The following ZNF420 variants were observed in gnomAD, a reference collection of about 807,000 sequenced individuals.
The protein encoded by ZNF420 is zinc finger protein 420.
A neutral mutation model predicts 44.7 loss-of-function variants in ZNF420; 31 were observed. That is an observed-to-expected ratio of 0.69 (90% CI 0.52 to 0.94). The LOEUF is 0.94. Among genes scored for constraint, ZNF420 ranks in the 40% least tolerant of loss-of-function variants. ZNF420 has a pLI of 0.00. For synonymous variants in ZNF420, 245 were observed against 267.4 expected, an observed-to-expected ratio of 0.92 and a Z score of 0.82; for missense variants, 681 against 827.9, an observed-to-expected ratio of 0.82 and a Z score of 2.18.
intron 4 of ZNF420, among the ~76,000 whole-genome samples, chr19:37,103,799 T>A (rs1969910054): frequency 6.6e-6 from 1 of 152,150 alleles, no homozygotes; most frequent in African/African-American, 2.4e-5. Flanking sequence ...TACAATAATT[T>A]TCATCAGCAT....
intron 4 of ZNF420, among the ~76,000 whole-genome samples, chr19:37,094,235 G>A (rs571049966): frequency 6.2e-4 from 94 of 151,986 alleles, no homozygotes; most frequent in Middle Eastern, 6.8e-3. Context: ...AATATACTTG[G>A]ATTTATTTAT....
chr19:37,062,964 C>T (rs142180296), intron 1 of ZNF420, among the ~76,000 whole-genome samples: 3 of 152,284 alleles, frequency 2.0e-5, no homozygotes, highest in Middle Eastern at 3.4e-3. Flanking sequence ...TTGCAGGCAC[C>T]AATATGTACA....
rs200178060 is a variant in ZNF420 at position 37,121,998 on chromosome 19, C to T, written c.137-5130C>T. Among the ~76,000 whole-genome samples, 22 of 152,322 alleles carry T rather than the reference C, an allele frequency of 1.4e-4. No homozygotes were observed. The East Asian group carries it at 4.0e-3, about 28-fold the overall frequency. ...GAGAGGATGTGGAGAAATAGGAACA[C>T]TTCTACACTGTTGGTGGGACTGTAA... is the stretch of plus-strand genomic sequence containing the variant. On this transcript the variant is annotated intron_variant, in intron 4 of 4. Coordinates refer to ENST00000337995, the MANE Select transcript of ZNF420 (RefSeq NM_144689.5).
chr19:37,025,318 T>C (rs2562598), intron 1 of ZNF420: 102,597 of 204,562 alleles, frequency 0.5, 27,968 homozygotes, highest in African/African-American at 0.71. Flanking sequence ...AGGAAAGGGG[T>C]ATTTTCTTCT....
intron 2 of ZNF420, among the ~76,000 whole-genome samples, chr19:37,085,933 TG>T (rs1353992146): frequency 3.3e-5 from 3 of 91,940 alleles, no homozygotes; most frequent in African/African-American, 1.3e-4. Context: ...GCCTGGCTGA[TG>T]TTTTATTATT....
rs35492200 is a variant in ZNF420 at position 37,038,129 on chromosome 19, C to CA, written c.-125+30060dup. 5.7e-3 allele frequency among the ~76,000 whole-genome samples: 821 copies of CA among 145,042 alleles called. 3 individuals carry two copies. The highest frequency in any genetic ancestry group is 0.011 in the Middle Eastern group (3 of 272). On this transcript the variant is annotated intron_variant, in intron 1 of 4. Coordinates refer to the ZNF420 transcript ENST00000587029. ...TGGGTGACAGAGCGAGACTCCGTCT[C>CA]AAAAAAAAAAAAAGTTGTGTTTACA...
chr19:37,124,549 GCA>G (rs1215083764), intron 4 of ZNF420, among the ~76,000 whole-genome samples: 1 of 152,136 alleles, frequency 6.6e-6, no homozygotes, highest in African/African-American at 2.4e-5. Context: ...ACAGTGTTTT[GCA>G]CTCTCAGCAA....
intron 1 of ZNF420, among the ~76,000 whole-genome samples, chr19:37,055,498 A>C (rs8113822): frequency 0.56 from 84,584 of 152,068 alleles, 24,953 homozygotes; most frequent in African/African-American, 0.74. Flanking sequence ...TACTCCATCA[A>C]CACTCCAGCC....
intron 1 of ZNF420, among the ~76,000 whole-genome samples, chr19:37,060,813 A>C (rs972763168): frequency 6.6e-6 from 1 of 151,898 alleles, no homozygotes; most frequent in African/African-American, 2.4e-5. Context: ...TTCTTGAGGG[A>C]CATCCTCTCC....
At chr19:37,058,121 G>A (rs1967792724) in intron 1 of ZNF420, among the ~76,000 whole-genome samples, 1 of 152,116 alleles carries the variant, frequency 6.6e-6, no homozygotes, top group Non-Finnish European at 1.5e-5. Flanking sequence ...CTGGCTCAAT[G>A]TCTTCAACAA....
chr19:37,099,218 A>G (rs1295827310), intron 4 of ZNF420, among the ~76,000 whole-genome samples: 1 of 152,146 alleles, frequency 6.6e-6, no homozygotes, highest in Non-Finnish European at 1.5e-5. Context: ...TTGTTGGATC[A>G]TATGGTAGTT....
rs142848122 is a variant in ZNF420 at position 37,046,829 on chromosome 19, A to G, written c.-124-33516A>G. ...TTGTGCACTTTAAGCCATTTGAAAA[A>G]CAGAAAAGCAAAACAACAAAATAAT... On this transcript the variant is annotated intron_variant, in intron 1 of 4. Transcript: ENST00000587029. 6.1e-3 allele frequency among the ~76,000 whole-genome samples: 933 copies of G among 152,204 alleles called. 27 individuals are homozygous for G. Among genetic ancestry groups the G allele is most frequent in the East Asian group, 0.05 (258 of 5,178 alleles).
chr19:37,125,053 G>T (rs1971273200), intron 4 of ZNF420, among the ~76,000 whole-genome samples: 1 of 152,100 alleles, frequency 6.6e-6, no homozygotes, highest in Admixed American at 6.5e-5. Context: ...GGCCAGGTTG[G>T]TCTCGAACTC....
chr19:37,060,491 A>AG (rs1031410108), intron 1 of ZNF420, among the ~76,000 whole-genome samples: 3 of 151,996 alleles, frequency 2.0e-5, no homozygotes, highest in African/African-American at 7.2e-5. Flanking sequence ...TCTGTTTCTG[A>AG]GGGGCCTAGA....
intron 1 of ZNF420, among the ~76,000 whole-genome samples, chr19:37,050,055 T>C (rs112561186): frequency 6.6e-6 from 1 of 152,088 alleles, no homozygotes; most frequent in African/African-American, 2.4e-5. Context: ...TGAGGGCTCT[T>C]TTCTGTTCCA....
chr19:37,027,583 C>T (rs910123678), intron 1 of ZNF420, among the ~76,000 whole-genome samples: 6 of 152,316 alleles, frequency 3.9e-5, no homozygotes, highest in Non-Finnish European at 8.8e-5. Flanking sequence ...TCATCCTTCC[C>T]TCTGCTCAAG....
At chr19:37,021,192 C>CT (rs1488786571) in intron 1 of ZNF420, among the ~76,000 whole-genome samples, 2 of 152,222 alleles carry the variant, frequency 1.3e-5, no homozygotes, top group African/African-American at 4.8e-5. Context: ...CTATTCAACT[C>CT]TATTATAATA....
chr19:37,116,316 C>T (rs1439636676), intron 4 of ZNF420, among the ~76,000 whole-genome samples: 1 of 147,710 alleles, frequency 6.8e-6, no homozygotes, highest in East Asian at 2.0e-4. Flanking sequence ...TTGCAGTGAA[C>T]CGAGATCACA....
At chr19:37,031,705 G>T (rs1265407561) in intron 1 of ZNF420, among the ~76,000 whole-genome samples, 4 of 151,786 alleles carry the variant, frequency 2.6e-5, no homozygotes, top group East Asian at 1.9e-4. Context: ...TAGAGACAGG[G>T]TTTTGCATGT....
Sources: allele counts gnomAD v4.1 joint callset (sites outside exome capture counted in the v4.1 genomes callset), GRCh38; gene constraint gnomAD v4.1.1; transcripts MANE v1.5; gene names NCBI Gene and HGNC (gene_info 2026-07-23, HGNC 2026-07-21).